FRMD4B: variants seen among roughly 807,000 people sequenced by gnomAD.
FRMD4B encodes the protein FERM domain containing 4B, also known as FERM domain-containing protein 4B.
A neutral mutation model predicts 141.5 loss-of-function variants in FRMD4B; 74 were observed. The ratio of observed to expected loss-of-function variants is 0.52; its 90% CI spans 0.43 to 0.63. The LOEUF is 0.63. Among genes scored for constraint, FRMD4B ranks in the 30% least tolerant of loss-of-function variants. FRMD4B has a pLI of 0.00. For missense variants in FRMD4B, 1,366 were observed against 1,253.4 expected, an observed-to-expected ratio of 1.09 and a Z score of -1.36; for synonymous variants, 506 against 467.9, an observed-to-expected ratio of 1.08 and a Z score of -1.05.
intron 1 of FRMD4B, among the ~76,000 whole-genome samples, chr3:69,356,314 T>C (rs1279488744): frequency 2.0e-5 from 3 of 152,122 alleles, no homozygotes; most frequent in Non-Finnish European, 4.4e-5. Flanking sequence ...CCACCCGTGA[T>C]GTGGGTGGGC....
chr3:69,447,779 G>A (rs903153477), intron 1 of FRMD4B, among the ~76,000 whole-genome samples: 1 of 152,144 alleles, frequency 6.6e-6, no homozygotes, highest in African/African-American at 2.4e-5. Context: ...AATTTCACAT[G>A]AATAGAATCA....
At chr3:69,523,167 T>C (rs1003011852) in intron 1 of FRMD4B, among the ~76,000 whole-genome samples, 2 of 149,380 alleles carry the variant, frequency 1.3e-5, no homozygotes, top group African/African-American at 4.9e-5. Flanking sequence ...AAAATGGCAA[T>C]GGATAGAATG....
intron 1 of FRMD4B, among the ~76,000 whole-genome samples, chr3:69,458,324 C>G (rs1705650982): frequency 6.6e-6 from 1 of 152,084 alleles, no homozygotes; most frequent in Non-Finnish European, 1.5e-5. Flanking sequence ...ACAGTCTATG[C>G]TCACAGAGCA....
intron 7 of FRMD4B, among the ~76,000 whole-genome samples, chr3:69,228,165 C>A (rs576523978): frequency 1.3e-5 from 2 of 152,132 alleles, no homozygotes; most frequent in Admixed American, 6.5e-5. Context: ...ACAGAACAGC[C>A]CTCAACAACA....
At chr3:69,404,801 A>G (rs1559517943) in intron 2 of FRMD4B, among the ~76,000 whole-genome samples, 2 of 152,216 alleles carry the variant, frequency 1.3e-5, no homozygotes, top group Non-Finnish European at 2.9e-5. Flanking sequence ...TCAGAACCCC[A>G]GACTCCACAG....
In FRMD4B at chr3:69,481,177, C is replaced by T. The variant is rs148407760; in HGVS notation, c.-128-48416G>A. Among the ~76,000 whole-genome samples the T allele has an allele frequency of 1.3e-3, 205 of 152,300 alleles. 1 individual carries two copies. The highest frequency in any genetic ancestry group is 4.3e-3 in the African/African-American group (179 of 41,562). ...CTTGCACTTCCCGAGTGAGGTAATG[C>T]CTCGCCCTGCTTCAGCTTGCGCACG... On this transcript the variant is annotated intron_variant, in intron 1 of 5. Transcript: ENST00000459638.
At position 69,195,065 on chromosome 3, in the gene FRMD4B, C is replaced by T. The variant is rs2092885927; in HGVS notation, c.1445G>A (p.Gly482Asp). 1.2e-6 allele frequency: 2 copies of T among 1,613,708 alleles called. No individual in the cohort carries two copies. The highest frequency in any genetic ancestry group is 1.7e-6 in the Non-Finnish European group (2 of 1,179,596). ...EKPPQVRRRVGTAFKLDDNLL... is the reference protein window; with the variant it reads ...EKPPQVRRRVDTAFKLDDNLL... ...GTTGTCATCTAATTTGAACGCAGTA[C>T]CCACACGTCTTCTGACCTGAGGAGG... is the stretch of plus-strand genomic sequence containing the variant. Residue 482 changes from glycine to aspartate, a missense_variant, in exon 16 of 23, where the codon GGT (glycine) becomes GAT (aspartate). Gly to Asp is a moderately conservative substitution (Grantham distance 94). Transcript: ENST00000398540.
chr3:69,336,796 T>A (rs552855795), intron 1 of FRMD4B, among the ~76,000 whole-genome samples: 1 of 152,164 alleles, frequency 6.6e-6, no homozygotes, highest in South Asian at 2.1e-4. Flanking sequence ...TATAAAAAAT[T>A]AGCTGGGCAT....
intron 1 of FRMD4B, among the ~76,000 whole-genome samples, chr3:69,494,973 G>T (rs1185653931): frequency 2.0e-5 from 3 of 151,264 alleles, no homozygotes; most frequent in African/African-American, 7.3e-5. Flanking sequence ...GGAAGGAAAG[G>T]AAGGAGAGGG....
At chr3:69,326,923 C>T (rs1272639313) in intron 1 of FRMD4B, among the ~76,000 whole-genome samples, 1 of 152,022 alleles carries the variant, frequency 6.6e-6, no homozygotes, top group Non-Finnish European at 1.5e-5. Context: ...AGTTGTTAGG[C>T]TGTATTTTTA....
At chr3:69,222,467 C>CAAAAAAAAAAAAAAAAAAAA (rs11293743) in intron 8 of FRMD4B, among the ~76,000 whole-genome samples, 1 of 95,024 alleles carries the variant, frequency 1.1e-5, no homozygotes, top group Non-Finnish European at 1.9e-5. Context: ...AAATCCATCT[C>CAAAAAAAAAAAAAAAAAAAA]AAAAAAAAAA....
At position 69,400,933 on chromosome 3, in the gene FRMD4B, A is replaced by T. The variant is rs1197361178; in HGVS notation, c.-1+31701T>A. The stretch of plus-strand genomic sequence containing the variant: ...TTCCCTGTTCGTATTTCTAAAATAG[A>T]ATACTTAAGTCTGTTAACTGATTAA... On this transcript the variant is annotated intron_variant, in intron 2 of 5. Transcript: ENST00000459638. 5.9e-5 allele frequency among the ~76,000 whole-genome samples: 9 copies of T among 152,302 alleles called. No homozygotes were observed. The East Asian group carries it at 1.3e-3, about 23-fold the overall frequency.
chr3:69,352,559 C>T (rs531052029), intron 1 of FRMD4B, among the ~76,000 whole-genome samples: 2 of 152,188 alleles, frequency 1.3e-5, no homozygotes, highest in South Asian at 4.2e-4. Flanking sequence ...CCAGATATTC[C>T]TCCCCTCCAC....
At chr3:69,446,324 C>T (rs1239538974) in intron 1 of FRMD4B, among the ~76,000 whole-genome samples, 1 of 150,754 alleles carries the variant, frequency 6.6e-6, no homozygotes, top group African/African-American at 2.4e-5. Flanking sequence ...CCGTGACTAG[C>T]CTACAAATTT....
intron 2 of FRMD4B, among the ~76,000 whole-genome samples, chr3:69,423,201 T>G (rs192612811): frequency 6.6e-6 from 1 of 152,244 alleles, no homozygotes; most frequent in South Asian, 2.1e-4. Flanking sequence ...CAGGCTGTAG[T>G]GCAGTGGCAC....
chr3:69,190,172 A>C (rs1391033395), intron 17 of FRMD4B, among the ~76,000 whole-genome samples: 3 of 152,222 alleles, frequency 2.0e-5, no homozygotes, highest in African/African-American at 7.2e-5. Flanking sequence ...ATTATTTCTT[A>C]AAATGGAACA....
In FRMD4B at chr3:69,253,145, T is replaced by G. The variant is rs1381982097; in HGVS notation, c.502-3046A>C. ...AGGAGAACAGAATCAAAGATAGTTT[T>G]GGGGCTCGCAAGGGAAATTAGTGAA... On this transcript the variant is annotated intron_variant, in intron 5 of 22. Transcript: ENST00000398540. 2.0e-5 allele frequency among the ~76,000 whole-genome samples: 3 copies of G among 151,182 alleles called. 1 individual carries two copies. Among genetic ancestry groups the G allele is most frequent in the South Asian group, 4.2e-4 (2 of 4,762 alleles).
intron 8 of FRMD4B, among the ~76,000 whole-genome samples, chr3:69,223,551 G>A (rs982812269): frequency 1.8e-4 from 27 of 151,804 alleles, no homozygotes; most frequent in African/African-American, 4.4e-4. Flanking sequence ...TAAAACTATC[G>A]CGCTTGGTCG....
At position 69,359,358 on chromosome 3, in the gene FRMD4B, G is replaced by A. The variant is rs145812981; in HGVS notation, c.162+26470C>T. ...TCTGCCTTGTTCAGGGCTATAACAC[G>A]TGGAACCTGGAAAGTTCTCAACTAA... On this transcript the variant is annotated intron_variant, in intron 1 of 22. Transcript: ENST00000398540. 2.5e-3 allele frequency among the ~76,000 whole-genome samples: 388 copies of A among 152,274 alleles called. 1 individual carries two copies. Among genetic ancestry groups the A allele is most frequent in the African/African-American group, 8.6e-3 (357 of 41,562 alleles).
Sources: gnomAD v4.1 joint callset for allele counts (sites outside exome capture counted in the v4.1 genomes callset) on GRCh38, gnomAD v4.1.1 for gene constraint, MANE v1.5 for transcripts, NCBI Gene and HGNC (gene_info 2026-07-23, HGNC 2026-07-21) for gene names.